Variants in SARS1 observed in about 807,000 individuals in gnomAD.
SARS1 encodes the protein serine--tRNA ligase, cytoplasmic.
In SARS1, 25 loss-of-function variants were observed where a neutral mutation model predicts 63.7. The ratio of observed to expected loss-of-function variants is 0.39; its 90% CI spans 0.29 to 0.55. The LOEUF is 0.55. SARS1 is among the 20% of genes least tolerant of loss of function. The pLI is 0.62. For missense variants in SARS1, 417 were observed against 649.7 expected (o/e 0.64, Z 3.89); for synonymous variants, 231 against 243.5 (o/e 0.95, Z 0.48).
At chr1:109,224,411 G>A (rs1442877481) in intron 2 of SARS1, among the ~76,000 whole-genome samples, 1 of 152,144 alleles carries the variant, frequency 6.6e-6, no homozygotes, top group Non-Finnish European at 1.5e-5. Context: ...CAGATTCAGA[G>A]TTCAAATCTT....
rs758580507 is a variant in SARS1 at position 109,237,222 on chromosome 1, C to T, written c.1258-22C>T. On this transcript the variant is annotated intron_variant, in intron 9 of 10. Coordinates refer to ENST00000234677, the MANE Select transcript of SARS1 (RefSeq NM_006513.4). This position sits in a 1 kb window ranked among gnomAD's most constrained non-coding sequence, Gnocchi z 4.1. The stretch of plus-strand genomic sequence containing the variant: ...CGATGAGAGTTGAGCCCGACTTCCC[C>T]TCTGGGACCCTGTCTTCCCAGGTGG... 23 of 1,604,628 alleles carry T rather than the reference C, an allele frequency of 1.4e-5. No homozygotes were observed. The highest frequency in any genetic ancestry group is 2.0e-5 in the Non-Finnish European group (23 of 1,176,106).
chr1:109,225,879 A>G (rs542077423), intron 2 of SARS1, among the ~76,000 whole-genome samples: 37 of 152,328 alleles, frequency 2.4e-4, no homozygotes, highest in African/African-American at 8.7e-4. Context: ...TCTTGCAAAC[A>G]TATCACCCTG....
chr1:109,228,574 C>A, intron 3 of SARS1, 142 bp downstream of exon 3: 1 of 612,510 alleles, frequency 1.6e-6, no homozygotes, highest in East Asian at 2.8e-5. Context: ...CCCACCCATT[C>A]TTGTTATATT....
chr1:109,217,982 G>C (rs1241333740), intron 1 of SARS1, among the ~76,000 whole-genome samples: 1 of 151,982 alleles, frequency 6.6e-6, no homozygotes, highest in East Asian at 1.9e-4. Context: ...ACAAGGTCAG[G>C]AGATCGAGAC....
In SARS1 at chr1:109,235,438, A is replaced by C. The variant is rs987645253; in HGVS notation, c.969+7A>C. The C allele has an allele frequency of 2.5e-6, 4 of 1,607,656 alleles. No individual in the cohort carries two copies. The highest frequency in any genetic ancestry group is 3.4e-6 in the Non-Finnish European group (4 of 1,177,272). On this transcript the variant is annotated splice_region_variant and intron_variant, in intron 7 of 10. Coordinates refer to ENST00000234677, the MANE Select transcript of SARS1 (RefSeq NM_006513.4). This position sits in a 1 kb window ranked among gnomAD's most constrained non-coding sequence, Gnocchi z 4.7. ...AGTCCATCAGTTTGAGAAGGTGAGTAGATGGGTCAGGGTAAGGAGTGGAAC... is the reference window on the plus strand; with the variant it reads ...AGTCCATCAGTTTGAGAAGGTGAGTCGATGGGTCAGGGTAAGGAGTGGAAC...
intron 5 of SARS1, 33 bp downstream of exon 5, chr1:109,231,054 T>A: frequency 7.6e-7 from 1 of 1,312,142 alleles, no homozygotes; most frequent in Non-Finnish European, 9.8e-7. Context: ...GATAGGATTA[T>A]GAAAAAGAAA....
chr1:109,221,316 C>T (rs1438769188), intron 1 of SARS1, among the ~76,000 whole-genome samples: 3 of 152,112 alleles, frequency 2.0e-5, no homozygotes, highest in Non-Finnish European at 4.4e-5. Flanking sequence ...GCCTCGGCCT[C>T]CCAAAGTGCT....
At chr1:109,230,854 C>A in intron 4 of SARS1, 24 bp from the exon 5 acceptor site, 1 of 1,579,854 alleles carries the variant, frequency 6.3e-7, no homozygotes, top group Non-Finnish European at 8.6e-7. Flanking sequence ...TCTTGTATGT[C>A]TCTTTCTTGC....
chr1:109,217,069 A>G (rs1394598261), intron 1 of SARS1: 14 of 985,312 alleles, frequency 1.4e-5, no homozygotes, highest in Non-Finnish European at 1.6e-5. Context: ...TAGAATGCAA[A>G]TCTGATCATT....
intron 1 of SARS1, 48 bp from the exon 2 acceptor site, chr1:109,223,930 T>G (rs772308020): frequency 7.2e-7 from 1 of 1,393,212 alleles, no homozygotes; most frequent in East Asian, 2.3e-5. Context: ...AAGGAGTATC[T>G]TAATTATGGG....
chr1:109,232,472 G>T (rs566399962), intron 6 of SARS1, among the ~76,000 whole-genome samples: 3 of 152,282 alleles, frequency 2.0e-5, no homozygotes, highest in African/African-American at 7.2e-5. Context: ...TCAGAAATAG[G>T]GACTTAGTTC....
At chr1:109,221,770 A>G (rs1009888864) in intron 1 of SARS1, among the ~76,000 whole-genome samples, 7 of 151,824 alleles carry the variant, frequency 4.6e-5, no homozygotes, top group Non-Finnish European at 8.8e-5. Context: ...ATTGATTGAA[A>G]CATTCAGCAT....
At chr1:109,231,914 A>G (rs866744315) in intron 6 of SARS1, 128 bp downstream of exon 6, 29 of 774,114 alleles carry the variant, frequency 3.7e-5, no homozygotes, top group Admixed American at 1.7e-4. Flanking sequence ...GTGACTCTTG[A>G]GCACTTAAAA....
Position 109,235,841 on chromosome 1 carries a change from TCC to T in SARS1, c.970-134_970-133del. The T allele has an allele frequency of 1.3e-6, 1 of 795,188 alleles. No homozygotes were observed. The highest frequency in any genetic ancestry group is 2.0e-6 in the Non-Finnish European group (1 of 493,536). 49.3% of individuals were successfully genotyped at this position (795,188 alleles called of 1,614,324 possible). On this transcript the variant is annotated intron_variant, in intron 7 of 10. Transcript: ENST00000234677. The surrounding 1 kb of genome is among the most constrained non-coding windows in gnomAD (Gnocchi z 4.7). ...ATAAGCATTTGCTCTTGTGGTCCAG[TCC>T]CAGTTGCTGGGGGCCCAGACTTGCC... is the stretch of plus-strand genomic sequence containing the variant.
At position 109,232,233 on chromosome 1, in the gene SARS1, G is replaced by T. The variant is rs574268833; in HGVS notation, c.747+447G>T. Among the ~76,000 whole-genome samples, 143 of 152,308 alleles carry T rather than the reference G, an allele frequency of 9.4e-4. 2 individuals carry two copies. Among genetic ancestry groups the T allele is most frequent in the South Asian group, 8.5e-3 (41 of 4,832 alleles). On this transcript the variant is annotated intron_variant, in intron 6 of 10. Coordinates refer to ENST00000234677, the MANE Select transcript of SARS1 (RefSeq NM_006513.4). ...ACAGGGTGAGACATACTTGCCTTGG[G>T]ATGGAGGTGGCTTCCAGTTTGTGGC...
chr1:109,228,215 G>T, intron 2 of SARS1, 137 bp from the exon 3 acceptor site: 2 of 658,570 alleles, frequency 3.0e-6, no homozygotes, highest in Non-Finnish European at 5.0e-6. Context: ...TTTCCTACAT[G>T]TTGTATCTTT....
At chr1:109,229,170 G>T (rs1655151770) in intron 3 of SARS1, among the ~76,000 whole-genome samples, 1 of 152,168 alleles carries the variant, frequency 6.6e-6, no homozygotes, top group South Asian at 2.1e-4. Flanking sequence ...ATAGATAGTG[G>T]CCAGAACTAT....
chr1:109,231,081 ATATT>A (rs1328892450), intron 5 of SARS1, 60 bp downstream of exon 5: 1,051 of 850,246 alleles, frequency 1.2e-3, no homozygotes, highest in African/African-American at 7.1e-3. Flanking sequence ...ATATATATAT[ATATT>A]TTTTTTTTTT....
rs1655301074 is a variant in SARS1, at chr1:109,236,058, T to A, written c.1051T>A (p.Phe351Ile). 1 of 1,613,238 alleles carries A rather than the reference T, an allele frequency of 6.2e-7. No individual in the cohort carries two copies. The highest frequency in any genetic ancestry group is 1.7e-5 in the Admixed American group (1 of 59,892). ...FEEMITTAEE[F>I]YQSLGIPYHI... ...AGAGATGATTACCACCGCAGAGGAG[T>A]TCTACCAGTCCCTGGGGATTCCTTA... Residue 351 changes from phenylalanine to isoleucine, a missense_variant, in exon 8 of 11, where the codon TTC becomes ATC. This residue lies in a region of SARS1 where 359 missense variants were observed against 529.6 expected (regional missense o/e 0.68). Coordinates refer to ENST00000234677, the MANE Select transcript of SARS1 (RefSeq NM_006513.4).
Sources: allele counts gnomAD v4.1 joint callset (sites outside exome capture counted in the v4.1 genomes callset), GRCh38; gene constraint gnomAD v4.1.1; regional missense constraint gnomAD v4.1.1; non-coding constraint Gnocchi (gnomAD v3.1); transcripts MANE v1.5; gene names NCBI Gene and HGNC (gene_info 2026-07-23, HGNC 2026-07-21).